IGSF11: variants seen among roughly 807,000 people sequenced by gnomAD.
The protein encoded by IGSF11 is CXADR like 1.
A neutral mutation model predicts 41.0 loss-of-function variants in IGSF11; 22 were observed. The observed-to-expected ratio is 0.54, with a 90% CI of 0.38 to 0.77. The LOEUF is 0.77. Among genes scored for constraint, IGSF11 ranks in the 30% least tolerant of loss-of-function variants. The pLI is 0.00. For missense variants in IGSF11, 444 were observed against 530.8 expected (o/e 0.84, Z 1.61); for synonymous variants, 219 against 201.3 (o/e 1.09, Z -0.74).
At chr3:118,927,590 C>A (rs1250842539) in intron 3 of IGSF11, among the ~76,000 whole-genome samples, 4 of 152,104 alleles carry the variant, frequency 2.6e-5, no homozygotes, top group African/African-American at 9.7e-5. Context: ...GAATTCCCAA[C>A]ACCTGTATTC....
intron 1 of IGSF11, among the ~76,000 whole-genome samples, chr3:119,081,791 T>C (rs1467441702): frequency 6.6e-6 from 1 of 152,226 alleles, no homozygotes; most frequent in Non-Finnish European, 1.5e-5. Context: ...ATTCCTTACA[T>C]GGGTATTTGC....
chr3:119,133,818 T>C (rs1474918860), intron 1 of IGSF11, among the ~76,000 whole-genome samples: 4 of 152,118 alleles, frequency 2.6e-5, no homozygotes, highest in Admixed American at 2.6e-4. Context: ...TGCGAAAATC[T>C]TCAATAAAAT....
chr3:119,080,778 T>C (rs2076573562), intron 1 of IGSF11, among the ~76,000 whole-genome samples: 1 of 152,192 alleles, frequency 6.6e-6, no homozygotes, highest in South Asian at 2.1e-4. Context: ...GTAACTTTCT[T>C]ATCCTAAGTA....
Position 118,951,599 on chromosome 3 carries a change from T to G in IGSF11, c.53-21324A>C, listed in dbSNP as rs149898974. On this transcript the variant is annotated intron_variant, in intron 1 of 6. Coordinates refer to ENST00000393775, the MANE Select transcript of IGSF11 (RefSeq NM_001015887.3). ...TAATATCTATCCCTTTATTGGTTAT[T>G]TACTATGTGTTAGGAACCATTCTAA... Among the ~76,000 whole-genome samples the G allele has an allele frequency of 7.9e-5, 12 of 152,322 alleles. No homozygotes were observed. The South Asian group carries it at 1.5e-3, about 18-fold the overall frequency.
intron 1 of IGSF11, among the ~76,000 whole-genome samples, chr3:119,113,284 T>G (rs1284242258): frequency 1.3e-5 from 2 of 152,174 alleles, no homozygotes; most frequent in African/African-American, 4.8e-5. Context: ...CATTCCAGCA[T>G]TAACTCAGAA....
At chr3:118,978,472 T>A (rs1318110366) in intron 1 of IGSF11, among the ~76,000 whole-genome samples, 1 of 152,130 alleles carries the variant, frequency 6.6e-6, no homozygotes, top group South Asian at 2.1e-4. Flanking sequence ...ACAATCCACC[T>A]GGAGGCAAAG....
At chr3:118,925,081 T>C (rs1942171856) in intron 4 of IGSF11, among the ~76,000 whole-genome samples, 2 of 152,152 alleles carry the variant, frequency 1.3e-5, no homozygotes, top group Admixed American at 1.3e-4. Flanking sequence ...AAAGTTATTA[T>C]GTTGAAAAGA....
chr3:119,145,356 T>G (rs1310233263), intron 1 of IGSF11, among the ~76,000 whole-genome samples: 4 of 152,158 alleles, frequency 2.6e-5, no homozygotes, highest in African/African-American at 9.7e-5. Flanking sequence ...GCCTACTGAC[T>G]CTGAGGTGCA....
intron 1 of IGSF11, among the ~76,000 whole-genome samples, chr3:119,012,234 C>G (rs928120509): frequency 6.6e-6 from 1 of 152,110 alleles, no homozygotes; most frequent in Non-Finnish European, 1.5e-5. Context: ...TATGGAGAAA[C>G]TGGCAAACTA....
chr3:119,128,217 G>C (rs1463768496), intron 1 of IGSF11, among the ~76,000 whole-genome samples: 5 of 152,062 alleles, frequency 3.3e-5, no homozygotes, highest in African/African-American at 1.2e-4. Context: ...AAATCAGCTG[G>C]GTGTGGTGGC....
At chr3:119,113,024 C>A (rs1450638448) in intron 1 of IGSF11, among the ~76,000 whole-genome samples, 1 of 152,096 alleles carries the variant, frequency 6.6e-6, no homozygotes, top group Non-Finnish European at 1.5e-5. Flanking sequence ...CACTTTTAAA[C>A]AACCATATCT....
intron 1 of IGSF11, among the ~76,000 whole-genome samples, chr3:119,080,177 T>TAAA (rs1254704435): frequency 8.5e-5 from 13 of 152,246 alleles, no homozygotes; most frequent in African/African-American, 3.1e-4. Flanking sequence ...TATGACTCTC[T>TAAA]AAACTGCTTA....
intron 1 of IGSF11, among the ~76,000 whole-genome samples, chr3:118,961,123 G>A (rs1299832276): frequency 1.3e-5 from 2 of 152,260 alleles, no homozygotes; most frequent in African/African-American, 4.8e-5. Flanking sequence ...GCCTTCTGGT[G>A]AGGGGGAGGG....
chr3:119,058,014 A>G (rs555134210), intron 1 of IGSF11, among the ~76,000 whole-genome samples: 60 of 152,386 alleles, frequency 3.9e-4, no homozygotes, highest in African/African-American at 1.3e-3. Flanking sequence ...TAAAACCATA[A>G]AAACCCTAGA....
At chr3:119,136,218 A>G (rs1038126660) in intron 1 of IGSF11, among the ~76,000 whole-genome samples, 1 of 152,076 alleles carries the variant, frequency 6.6e-6, no homozygotes, top group African/African-American at 2.4e-5. Context: ...ATAATAATTA[A>G]AAAGAAAAAA....
upstream of IGSF11, among the ~76,000 whole-genome samples, chr3:119,038,779 A>G (rs1269973579): frequency 6.6e-6 from 1 of 152,140 alleles, no homozygotes; most frequent in Non-Finnish European, 1.5e-5. Context: ...ACTTGATTTT[A>G]TATTGGGGTA....
chr3:119,145,925 G>A (rs1480754269), exon 1 of IGSF11: 2 of 420,778 alleles, frequency 4.8e-6, no homozygotes, highest in South Asian at 3.4e-5. Flanking sequence ...TCGGCAGGGT[G>A]AGGAGAAGCT....
chr3:118,937,668 C>T (rs7633584), intron 1 of IGSF11, among the ~76,000 whole-genome samples: 17,617 of 152,146 alleles, frequency 0.12, 1,709 homozygotes, highest in African/African-American at 0.25. Flanking sequence ...CACTGCCAAG[C>T]TTCTACTTCA....
intron 1 of IGSF11, among the ~76,000 whole-genome samples, chr3:118,982,265 C>CAG (rs567292156): frequency 5.3e-5 from 8 of 152,320 alleles, no homozygotes; most frequent in South Asian, 2.1e-4. Context: ...AGCAACTCTC[C>CAG]AGAGAGAGAC....
Sources: gnomAD v4.1 joint callset for allele counts (sites outside exome capture counted in the v4.1 genomes callset) on GRCh38, gnomAD v4.1.1 for gene constraint, MANE v1.5 for transcripts, NCBI Gene and HGNC (gene_info 2026-07-23, HGNC 2026-07-21) for gene names.